Variants in WWOX observed in about 807,000 individuals in gnomAD.
WWOX encodes the protein WW domain containing oxidoreductase.
WWOX carries 69 observed loss-of-function variants against 46.2 expected under a neutral mutation model. The ratio of observed to expected loss-of-function variants is 1.49; its 90% CI spans 1.23 to 1.82. WWOX has a LOEUF of 1.82. Among genes scored for constraint, WWOX ranks in the 40% most tolerant of loss-of-function variants. WWOX has a pLI of 0.00. For synonymous variants in WWOX, 359 were observed against 202.6 expected (o/e 1.77, Z -6.56); for missense variants, 919 against 542.6 (o/e 1.69, Z -6.89).
intron 8 of WWOX, among the ~76,000 whole-genome samples, chr16:78,603,841 T>A (rs2045681849): frequency 6.6e-6 from 1 of 152,114 alleles, no homozygotes; most frequent in African/African-American, 2.4e-5. Context: ...GTCAGTAGAC[T>A]CTCTCAAAAA....
intron 6 of WWOX, among the ~76,000 whole-genome samples, chr16:78,393,040 C>T (rs62034089): frequency 1.3e-5 from 2 of 152,134 alleles, no homozygotes; most frequent in African/African-American, 4.8e-5. Flanking sequence ...AAACCAAAGC[C>T]TGTGGTAAGT....
At chr16:78,187,175 G>T (rs1472906482) in intron 5 of WWOX, among the ~76,000 whole-genome samples, 1 of 152,144 alleles carries the variant, frequency 6.6e-6, no homozygotes, top group Admixed American at 6.5e-5. Context: ...ATTGTCTTAG[G>T]CAAGTTAGTA....
At chr16:78,196,306 A>G (rs529829573) in intron 5 of WWOX, among the ~76,000 whole-genome samples, 1 of 152,220 alleles carries the variant, frequency 6.6e-6, no homozygotes, top group African/African-American at 2.4e-5. Context: ...AGTACATTTC[A>G]TATTTTACAT....
intron 8 of WWOX, among the ~76,000 whole-genome samples, chr16:79,121,796 A>G (rs1013553665): frequency 1.3e-5 from 2 of 152,166 alleles, no homozygotes; most frequent in African/African-American, 2.4e-5. Flanking sequence ...TTACTCTTTA[A>G]AAGTGGCCAC....
intron 8 of WWOX, among the ~76,000 whole-genome samples, chr16:78,865,509 A>G (rs2043984458): frequency 6.6e-6 from 1 of 152,182 alleles, no homozygotes; most frequent in South Asian, 2.1e-4. Context: ...TTTGCCACAA[A>G]ATAGCAATAC....
chr16:78,487,547 G>C (rs1271066225), intron 8 of WWOX, among the ~76,000 whole-genome samples: 1 of 152,184 alleles, frequency 6.6e-6, no homozygotes, highest in African/African-American at 2.4e-5. Flanking sequence ...TACTGCAGAT[G>C]CTTCCTCTGG....
intron 8 of WWOX, among the ~76,000 whole-genome samples, chr16:78,792,704 A>C (rs921567944): frequency 6.6e-6 from 1 of 152,202 alleles, no homozygotes; most frequent in Non-Finnish European, 1.5e-5. Flanking sequence ...ATACAAGTCT[A>C]TAGAGGCATC....
chr16:79,120,540 A>G (rs540033884), intron 8 of WWOX, among the ~76,000 whole-genome samples: 2 of 152,268 alleles, frequency 1.3e-5, no homozygotes, highest in East Asian at 1.9e-4. Flanking sequence ...ATAACGGCAA[A>G]CTGAGTGACG....
chr16:78,279,413 A>T (rs1290623323), intron 5 of WWOX, among the ~76,000 whole-genome samples: 3 of 152,236 alleles, frequency 2.0e-5, no homozygotes, highest in Non-Finnish European at 4.4e-5. Context: ...GGAAAAAAGA[A>T]ATATTCCCAA....
At chr16:78,562,709 T>C (rs1219522652) in intron 8 of WWOX, among the ~76,000 whole-genome samples, 1 of 152,158 alleles carries the variant, frequency 6.6e-6, no homozygotes, top group Non-Finnish European at 1.5e-5. Context: ...GACAATCTGA[T>C]CGCTCCCCTG....
intron 8 of WWOX, among the ~76,000 whole-genome samples, chr16:78,814,763 A>G (rs562570805): frequency 6.6e-6 from 1 of 152,186 alleles, no homozygotes; most frequent in Non-Finnish European, 1.5e-5. Flanking sequence ...AGTGTATAAG[A>G]CATTACAGCC....
At chr16:78,908,576 G>T (rs985077871) in intron 8 of WWOX, among the ~76,000 whole-genome samples, 2 of 151,882 alleles carry the variant, frequency 1.3e-5, no homozygotes, top group African/African-American at 4.8e-5. Flanking sequence ...TGCAGAGCTG[G>T]CTGTGTGGGA....
chr16:78,870,886 G>C (rs542313594), intron 8 of WWOX, among the ~76,000 whole-genome samples: 66 of 152,294 alleles, frequency 4.3e-4, no homozygotes, highest in African/African-American at 1.5e-3. Context: ...ATAGGCATGA[G>C]CCACCATGCC....
intron 8 of WWOX, among the ~76,000 whole-genome samples, chr16:79,000,460 G>C (rs554742220): frequency 3.3e-5 from 5 of 152,312 alleles, no homozygotes; most frequent in South Asian, 2.1e-4. Context: ...AGTCGAATCA[G>C]AGATGGGGAA....
rs1252689233 is a variant in WWOX at position 78,349,092 on chromosome 16, G to T, written c.517-37768G>T. ...TGGAGCCTAGAATTCCAAGGTCAAG[G>T]TTCCGGCACAGTTGATGTCTTCTGA... is the stretch of plus-strand genomic sequence containing the variant. On this transcript the variant is annotated intron_variant, in intron 5 of 8. Coordinates refer to ENST00000566780, the MANE Select transcript of WWOX (RefSeq NM_016373.4). Among the ~76,000 whole-genome samples the T allele has an allele frequency of 4.2e-5, 5 of 120,020 alleles. 2 individuals are homozygous for T. Among genetic ancestry groups the T allele is most frequent in the African/African-American group, 1.4e-4 (5 of 35,344 alleles). The allele number at this position is 120,020 out of a possible 152,430, so 78.7% of individuals were successfully genotyped here. A position where few individuals can be genotyped will look rare whatever the true frequency, so the allele number is the denominator to read the frequency against.
At chr16:78,185,634 G>T (rs1049638954) in intron 5 of WWOX, among the ~76,000 whole-genome samples, 2 of 151,992 alleles carry the variant, frequency 1.3e-5, no homozygotes, top group Non-Finnish European at 2.9e-5. Context: ...AAATAAAAAG[G>T]CGCAATTATG....
intron 8 of WWOX, among the ~76,000 whole-genome samples, chr16:78,599,026 G>A (rs1013072597): frequency 1.3e-5 from 2 of 152,140 alleles, no homozygotes; most frequent in African/African-American, 4.8e-5. Context: ...GGACCCCTAA[G>A]TTTGAACAAT....
chr16:78,524,092 A>G (rs2043405763), intron 8 of WWOX, among the ~76,000 whole-genome samples: 1 of 152,346 alleles, frequency 6.6e-6, no homozygotes, highest in Non-Finnish European at 1.5e-5. Context: ...ATCAAATAAC[A>G]TGAAGTGTGT....
chr16:78,457,111 G>C (rs1208961493), intron 8 of WWOX, among the ~76,000 whole-genome samples: 3 of 152,314 alleles, frequency 2.0e-5, no homozygotes, highest in South Asian at 2.1e-4. Flanking sequence ...GCAGTGTTCA[G>C]ACAGAATGGT....
Sources: gnomAD v4.1 joint callset for allele counts (sites outside exome capture counted in the v4.1 genomes callset) on GRCh38, gnomAD v4.1.1 for gene constraint, MANE v1.5 for transcripts, NCBI Gene and HGNC (gene_info 2026-07-23, HGNC 2026-07-21) for gene names.